The following ARFIP1 variants were observed in gnomAD, a reference collection of about 807,000 sequenced individuals.
ARFIP1 encodes the protein ARF interacting protein 1.
Under a neutral mutation model 42.5 loss-of-function variants are expected in ARFIP1, and 24 were observed. That is an observed-to-expected ratio of 0.57 (90% confidence interval 0.41 to 0.80). The LOEUF (loss-of-function observed/expected upper bound fraction) is 0.80. Among genes scored for constraint, ARFIP1 ranks in the 30% least tolerant of loss-of-function variants. The pLI is 0.00. For synonymous variants in ARFIP1, 141 were observed against 153.7 expected, an observed-to-expected ratio of 0.92 and a Z score of 0.61; for missense variants, 354 against 434.0, an observed-to-expected ratio of 0.82 and a Z score of 1.64.
At position 152,824,083 on chromosome 4, in the gene ARFIP1, C is replaced by T. The variant is rs189749530; in HGVS notation, c.-9-5542C>T. Among the ~76,000 whole-genome samples the T allele has an allele frequency of 6.4e-3, 977 of 152,092 alleles. 11 individuals are homozygous for T. The highest frequency in any genetic ancestry group is 0.022 in the African/African-American group (907 of 41,502). On this transcript the variant is annotated intron_variant, in intron 1 of 8. Coordinates refer to ENST00000353617, the MANE Select transcript of ARFIP1 (RefSeq NM_001025595.3). ...ATCCTAGCACTTTGGGAGGCCAAGG[C>T]GGGTGGATCACTTGAGGCCAGGAGT...
At chr4:152,837,710 T>G (rs532634703) in intron 2 of ARFIP1, among the ~76,000 whole-genome samples, 2 of 152,354 alleles carry the variant, frequency 1.3e-5, no homozygotes, top group East Asian at 3.9e-4. Flanking sequence ...TGTGAAGATT[T>G]TGTCCCACTC....
At chr4:152,836,817 A>C (rs1343383358) in intron 2 of ARFIP1, among the ~76,000 whole-genome samples, 2 of 152,128 alleles carry the variant, frequency 1.3e-5, no homozygotes, top group South Asian at 4.2e-4. Context: ...CAAGTTATTG[A>C]GGTACAGGTG....
At chr4:152,785,770 ACT>A (rs1382220131) in intron 1 of ARFIP1, among the ~76,000 whole-genome samples, 1 of 152,230 alleles carries the variant, frequency 6.6e-6, no homozygotes, top group Non-Finnish European at 1.5e-5. Context: ...GTAAACCTGC[ACT>A]GTCTAATGCC....
intron 1 of ARFIP1, among the ~76,000 whole-genome samples, chr4:152,816,653 C>T (rs1056835204): frequency 6.6e-6 from 1 of 152,338 alleles, no homozygotes; most frequent in East Asian, 1.9e-4. Context: ...AATGTAAGCT[C>T]TATGAGAGCA....
intron 7 of ARFIP1, among the ~76,000 whole-genome samples, chr4:152,887,343 A>G (rs961643983): frequency 6.6e-6 from 1 of 152,028 alleles, no homozygotes; most frequent in Non-Finnish European, 1.5e-5. Flanking sequence ...AGTGCTCTAC[A>G]ATAGATACTG....
chr4:152,860,517 A>G (rs932075010), intron 2 of ARFIP1, among the ~76,000 whole-genome samples: 1 of 152,186 alleles, frequency 6.6e-6, no homozygotes, highest in African/African-American at 2.4e-5. Flanking sequence ...AAATGCAACA[A>G]AAGAGTCACA....
chr4:152,843,414 C>A (rs1246643486), intron 2 of ARFIP1, among the ~76,000 whole-genome samples: 1 of 152,004 alleles, frequency 6.6e-6, no homozygotes, highest in Non-Finnish European at 1.5e-5. Flanking sequence ...GGAGATGGTG[C>A]TTTCCAGAAA....
rs1738719810 is a variant in ARFIP1 at position 152,910,125 on chromosome 4, G to A, written c.1028G>A (p.Gly343Glu). The change falls in exon 9 of 9, where the codon GGG becomes GAG. Residue 343 changes from glycine (G) to glutamate (E), a missense_variant. By Grantham distance (98) the Gly-to-Glu change is moderately conservative. Coordinates refer to ENST00000353617, the MANE Select transcript of ARFIP1 (RefSeq NM_001025595.3). ...FHNAIAAYFAGNQKQLEQTLK... is the reference protein window; with the variant it reads ...FHNAIAAYFAENQKQLEQTLK... Reference sequence around the variant, plus strand: ...AATGCCATTGCCGCTTACTTTGCTGGGAATCAGAAGCAGCTTGAACAGACA... The same window carrying A: ...AATGCCATTGCCGCTTACTTTGCTGAGAATCAGAAGCAGCTTGAACAGACA... 1 of 1,614,122 alleles carries A rather than the reference G, an allele frequency of 6.2e-7. No individual in the cohort carries two copies. The highest frequency in any genetic ancestry group is 8.5e-7 in the Non-Finnish European group (1 of 1,180,000).
intron 3 of ARFIP1, among the ~76,000 whole-genome samples, chr4:152,868,025 T>A (rs757648790): frequency 9.9e-5 from 15 of 152,212 alleles, no homozygotes; most frequent in Admixed American, 3.9e-4. Flanking sequence ...TTAAAGGAAT[T>A]AGGGCTGTGT....
chr4:152,870,777 C>T lies in ARFIP1; in HGVS notation c.227C>T (p.Ser76Phe), dbSNP rs1734814245. Residue 76 changes from serine (S) to phenylalanine (F), a missense_variant, in exon 4 of 9, where the codon TCT becomes TTT. Coordinates refer to ENST00000353617, the MANE Select transcript of ARFIP1 (RefSeq NM_001025595.3). The part of the protein sequence containing the change: ...FQGSPAPPLP[S>F]VMSPSRVAAS... ...GGTTCCCCAGCACCGCCACTGCCAT[C>T]TGTTATGTCTCCTAGCAGGGTTGCA... The T allele has an allele frequency of 2.5e-6, 4 of 1,614,120 alleles. No individual in the cohort carries two copies. In the East Asian group the frequency reaches 8.9e-5, roughly 36 times the overall value.
chr4:152,826,923 C>T (rs1338126910), intron 1 of ARFIP1, among the ~76,000 whole-genome samples: 1 of 152,114 alleles, frequency 6.6e-6, no homozygotes, highest in Non-Finnish European at 1.5e-5. Flanking sequence ...GTGAAATAGC[C>T]AATCACGAAA....
chr4:152,808,280 T>TC, intron 1 of ARFIP1, among the ~76,000 whole-genome samples: 1 of 135,842 alleles, frequency 7.4e-6, no homozygotes, highest in Non-Finnish European at 1.6e-5. Context: ...ACGCCTGGCC[T>TC]CCATTTTTTT....
intron 5 of ARFIP1, among the ~76,000 whole-genome samples, chr4:152,878,748 A>G (rs1049526227): frequency 6.6e-6 from 1 of 152,190 alleles, no homozygotes; most frequent in African/African-American, 2.4e-5. Flanking sequence ...TGTGGGGGAA[A>G]AAAAGGCCAC....
chr4:152,846,470 G>A (rs940159430), intron 2 of ARFIP1, among the ~76,000 whole-genome samples: 2 of 152,100 alleles, frequency 1.3e-5, no homozygotes, highest in African/African-American at 4.8e-5. Context: ...CTCTTAACCC[G>A]TGAGTGAAAA....
chr4:152,831,228 CT>C (rs753492052), intron 2 of ARFIP1, among the ~76,000 whole-genome samples: 1 of 152,176 alleles, frequency 6.6e-6, no homozygotes, highest in Non-Finnish European at 1.5e-5. Context: ...GGTAACAGCT[CT>C]TTTTGCAAAC....
intron 1 of ARFIP1, among the ~76,000 whole-genome samples, chr4:152,820,441 T>A (rs1384602573): frequency 6.6e-6 from 1 of 152,192 alleles, no homozygotes; most frequent in Non-Finnish European, 1.5e-5. Flanking sequence ...TGTTCTTACA[T>A]TGCTAAAAAA....
chr4:152,783,183 C>G (rs1366842490), intron 1 of ARFIP1, among the ~76,000 whole-genome samples: 1 of 152,072 alleles, frequency 6.6e-6, no homozygotes, highest in African/African-American at 2.4e-5. Context: ...TGTTGCATGC[C>G]TGTAGTCCCA....
chr4:152,850,158 C>G (rs1226280976), intron 2 of ARFIP1, among the ~76,000 whole-genome samples: 2 of 152,172 alleles, frequency 1.3e-5, no homozygotes, highest in African/African-American at 4.8e-5. Context: ...GCTCATGGAA[C>G]AGATTTTAAG....
chr4:152,812,083 C>T (rs2149833285), intron 1 of ARFIP1, among the ~76,000 whole-genome samples: 1 of 152,280 alleles, frequency 6.6e-6, no homozygotes, highest in South Asian at 2.1e-4. Context: ...TATTTAAAGT[C>T]ACAAACCCGG....
Sources: allele counts gnomAD v4.1 joint callset (sites outside exome capture counted in the v4.1 genomes callset), GRCh38; gene constraint gnomAD v4.1.1; transcripts MANE v1.5; gene names NCBI Gene and HGNC (gene_info 2026-07-23, HGNC 2026-07-21).